The following PUDP variants were observed in gnomAD, a reference collection of about 807,000 sequenced individuals.
PUDP encodes the protein pseudouridine-5'-phosphatase.
In PUDP, 8 loss-of-function variants were observed where a neutral mutation model predicts 9.4. The ratio of observed to expected loss-of-function variants is 0.85; its 90% CI spans 0.50 to 1.53. The LOEUF (loss-of-function observed/expected upper bound fraction) is 1.53, where lower values mean the gene tolerates loss of function less well. Among genes scored for constraint, PUDP ranks in the 40% most tolerant of loss-of-function variants. The probability of loss-of-function intolerance (pLI) is 0.00; values close to 1 mark genes in which losing one functional copy is unlikely to be tolerated. For synonymous variants in PUDP, 99 were observed against 80.7 expected (o/e 1.23, Z -1.22); for missense variants, 188 against 189.7 (o/e 0.99, Z 0.05).
chrX:6,869,645 A>G (rs991559165), intron 3 of PUDP, among the ~76,000 whole-genome samples: 22 of 111,024 alleles, frequency 2.0e-4, no homozygotes, highest in African/African-American at 3.3e-5. Flanking sequence ...CAGTGAGCAC[A>G]TGCAAAGATC....
Position 6,942,985 on chromosome X carries a change from G to A in PUDP, c.*247+34148C>T, listed in dbSNP as rs1489513637. Among the ~76,000 whole-genome samples the A allele has an allele frequency of 2.7e-5, 3 of 112,248 alleles. No homozygotes were observed. In the Admixed American group the frequency reaches 2.8e-4, roughly 11 times the overall value. ...AACTGTGAGAGAATAAATTTCCATT[G>A]TTGTAAGCCACCTAGTTTGCAGTAC... On this transcript the variant is annotated intron_variant and NMD_transcript_variant, in intron 3 of 3. Coordinates refer to the PUDP transcript ENST00000655425.
chrX:6,816,289 C>T (rs1365634167), intron 3 of PUDP, among the ~76,000 whole-genome samples: 12 of 103,700 alleles, frequency 1.2e-4, no homozygotes, highest in African/African-American at 4.1e-4. Context: ...TGTATATATA[C>T]TATATGCATA....
intron 3 of PUDP, among the ~76,000 whole-genome samples, chrX:6,757,619 A>G (rs1602608821): frequency 8.9e-6 from 1 of 112,055 alleles, no homozygotes; most frequent in Non-Finnish European, 1.9e-5. Flanking sequence ...TATATTTTTC[A>G]TTTTGATTTA....
At chrX:6,922,270 G>T (rs756873425) in intron 3 of PUDP, among the ~76,000 whole-genome samples, 1 of 111,997 alleles carries the variant, frequency 8.9e-6, no homozygotes, top group East Asian at 2.8e-4. Context: ...TGGATTGTTT[G>T]TAACTCAGAG....
chrX:6,846,091 CTGTAAACAT>C (rs1223646759), intron 3 of PUDP, among the ~76,000 whole-genome samples: 2 of 111,933 alleles, frequency 1.8e-5, no homozygotes, highest in African/African-American at 6.5e-5. Flanking sequence ...TAAAACTGTA[CTGTAAACAT>C]TGTAAACATT....
At chrX:6,756,614 T>C (rs1441631932) in intron 3 of PUDP, among the ~76,000 whole-genome samples, 3 of 112,337 alleles carry the variant, frequency 2.7e-5, no homozygotes, top group East Asian at 2.8e-4. Context: ...GTGGGGAAAA[T>C]ATACATTATT....
intron 3 of PUDP, among the ~76,000 whole-genome samples, chrX:6,840,231 C>A (rs778183044): frequency 8.9e-6 from 1 of 111,847 alleles, no homozygotes; most frequent in Non-Finnish European, 1.9e-5. Flanking sequence ...ACGTGACTTT[C>A]GCCTTCTGCC....
intron 2 of PUDP, among the ~76,000 whole-genome samples, chrX:7,092,459 T>G (rs1177112007): frequency 8.9e-6 from 1 of 112,148 alleles, no homozygotes; most frequent in African/African-American, 3.2e-5. Flanking sequence ...AATTTTTTTT[T>G]GCAAATATTT....
intron 3 of PUDP, among the ~76,000 whole-genome samples, chrX:6,927,092 T>C (rs903318395): frequency 2.8e-5 from 3 of 108,990 alleles, no homozygotes; most frequent in Non-Finnish European, 3.8e-5. Context: ...CACACCTGGC[T>C]AATTTTTTTT....
Position 6,810,975 on chromosome X carries a change from G to A in PUDP, c.*248-104509C>T, listed in dbSNP as rs761339807. Among the ~76,000 whole-genome samples, 10 of 111,407 alleles carry A rather than the reference G, an allele frequency of 9.0e-5. No individual in the cohort carries two copies. The South Asian group carries it at 3.9e-3, about 43-fold the overall frequency. ...TGGCAACAGGCTGTATGTAATTTAT[G>A]CCTTGCTAGGGAGGTGGACCAAGCC... On this transcript the variant is annotated intron_variant and NMD_transcript_variant, in intron 3 of 3. Coordinates refer to the PUDP transcript ENST00000655425.
chrX:7,042,441 C>T (rs1929934384), intron 1 of PUDP, among the ~76,000 whole-genome samples: 1 of 111,889 alleles, frequency 8.9e-6, no homozygotes, highest in Non-Finnish European at 1.9e-5. Context: ...CAGGAAGATC[C>T]TTTTCACATG....
chrX:6,955,123 G>T lies in PUDP; in HGVS notation c.*247+22010C>A, dbSNP rs748885782. ...CAAGGGCTTTGGGATCACCTCCCTG[G>T]GCAGATTTCTTGCTGAACAAGATTA... On this transcript the variant is annotated intron_variant and NMD_transcript_variant, in intron 3 of 3. Transcript: ENST00000655425. Among the ~76,000 whole-genome samples the T allele has an allele frequency of 2.1e-4, 24 of 112,206 alleles. 1 individual carries two copies. Among genetic ancestry groups the T allele is most frequent in the African/African-American group, 7.8e-4 (24 of 30,929 alleles).
chrX:6,813,239 T>C (rs994809775), intron 3 of PUDP, among the ~76,000 whole-genome samples: 3 of 110,564 alleles, frequency 2.7e-5, no homozygotes, highest in Non-Finnish European at 5.7e-5. Context: ...GGGGACTTGG[T>C]CCTTACAATC....
chrX:7,076,725 G>A (rs1930917071), intron 3 of PUDP, among the ~76,000 whole-genome samples: 1 of 112,093 alleles, frequency 8.9e-6, no homozygotes, highest in African/African-American at 3.2e-5. Context: ...ATGGATGGAA[G>A]TCCAAAAACT....
chrX:6,792,621 G>A (rs1925767450), intron 3 of PUDP, among the ~76,000 whole-genome samples: 1 of 111,464 alleles, frequency 9.0e-6, no homozygotes. Flanking sequence ...TTTCCTCCTG[G>A]TTTACTCCTA....
intron 3 of PUDP, among the ~76,000 whole-genome samples, chrX:6,853,317 T>A (rs1387215970): frequency 1.8e-5 from 2 of 111,042 alleles, no homozygotes; most frequent in Non-Finnish European, 3.8e-5. Context: ...TGGAACATAG[T>A]CATTATGGCA....
intron 1 of PUDP, among the ~76,000 whole-genome samples, chrX:7,110,213 C>A (rs140706376): frequency 0.024 from 2,701 of 112,474 alleles, 49 homozygotes; most frequent in African/African-American, 0.053. Flanking sequence ...TATGGAAGCC[C>A]TGTGCCTGGA....
chrX:7,130,181 A>C (rs1463978710), intron 1 of PUDP, among the ~76,000 whole-genome samples: 2 of 111,221 alleles, frequency 1.8e-5, no homozygotes, highest in African/African-American at 3.3e-5. Context: ...AAGGGAGTAG[A>C]ATAAAAGGAC....
intron 3 of PUDP, among the ~76,000 whole-genome samples, chrX:6,826,938 C>T (rs904056844): frequency 3.6e-5 from 4 of 111,887 alleles, no homozygotes; most frequent in Non-Finnish European, 5.6e-5. Context: ...CCCTCTGAGA[C>T]TGTTCAGCAG....
Sources: allele counts gnomAD v4.1 joint callset (sites outside exome capture counted in the v4.1 genomes callset), GRCh38; gene constraint gnomAD v4.1.1; transcripts MANE v1.5; gene names NCBI Gene and HGNC (gene_info 2026-07-23, HGNC 2026-07-21).